Variants in SMAD9 observed in about 807,000 individuals in gnomAD.
SMAD9 encodes SMAD family member 9, also known as MAD homolog 9.
Under a neutral mutation model 46.1 loss-of-function variants are expected in SMAD9, and 36 were observed. The observed-to-expected ratio is 0.78, with a 90% CI of 0.60 to 1.03. The LOEUF is 1.03. Ranked by LOEUF, SMAD9 falls within the 50% of genes least tolerant of loss-of-function variation. The probability of loss-of-function intolerance (pLI) is 0.00; values close to 1 mark genes in which losing one functional copy is unlikely to be tolerated. For synonymous variants in SMAD9, 245 were observed against 237.1 expected, an observed-to-expected ratio of 1.03 and a Z score of -0.31; for missense variants, 572 against 599.8, an observed-to-expected ratio of 0.95 and a Z score of 0.48.
chr13:36,893,697 AT>A (rs2058507054), intron 1 of SMAD9, among the ~76,000 whole-genome samples: 1 of 151,806 alleles, frequency 6.6e-6, no homozygotes. Flanking sequence ...GTATGAAATC[AT>A]TTAGTTTAAA....
At position 36,879,770 on chromosome 13, in the gene SMAD9, G is replaced by A; in HGVS notation, c.-81C>T. 1 of 1,518,862 alleles carries A rather than the reference G, an allele frequency of 6.6e-7. No individual in the cohort carries two copies. The highest frequency in any genetic ancestry group is 1.7e-5 in the Admixed American group (1 of 59,544). The allele number at this position is 1,518,862 out of a possible 1,614,324, so 94.1% of individuals were successfully genotyped here. On this transcript the variant is annotated 5_prime_UTR_variant, in exon 2 of 7. Coordinates refer to ENST00000379826, the MANE Select transcript of SMAD9 (RefSeq NM_001127217.3). ...AGTGGGCGGCGAGTAGCTCTCCAGG[G>A]GTGGCATAGGGACCAACCCGCCCGT...
At chr13:36,902,844 G>A (rs965127317) in intron 1 of SMAD9, among the ~76,000 whole-genome samples, 2 of 152,112 alleles carry the variant, frequency 1.3e-5, no homozygotes, top group Admixed American at 1.3e-4. Context: ...CCTCAATTAG[G>A]ATATGGACGT....
intron 1 of SMAD9, among the ~76,000 whole-genome samples, chr13:36,884,367 C>T (rs141794689): frequency 6.6e-6 from 1 of 152,274 alleles, no homozygotes; most frequent in East Asian, 1.9e-4. Context: ...TTACAGCTTT[C>T]CTTCTTTGGG....
rs558837786 is a variant in SMAD9 at position 36,847,538 on chromosome 13, C to T, written c.*1138G>A. ...TGATTATGAAATTATTATCACTTTC[C>T]TTGGGAATTTATTTCCAGGTTAGAT... On this transcript the variant is annotated 3_prime_UTR_variant, in exon 7 of 7. Transcript: ENST00000379826. 6.6e-5 allele frequency: 10 copies of T among 152,254 alleles called. No homozygotes were observed. In the East Asian group the frequency reaches 1.9e-3, roughly 29 times the overall value. The allele number at this position is 152,254 out of a possible 1,614,324, so 9.4% of individuals were successfully genotyped here.
chr13:36,899,734 T>G (rs2058558538), intron 1 of SMAD9, among the ~76,000 whole-genome samples: 1 of 152,160 alleles, frequency 6.6e-6, no homozygotes, highest in Admixed American at 6.5e-5. Context: ...AATCCTAAAT[T>G]TATCAGCATA....
chr13:36,859,884 C>T (rs1046537261), intron 5 of SMAD9, among the ~76,000 whole-genome samples: 3 of 151,468 alleles, frequency 2.0e-5, no homozygotes, highest in East Asian at 1.9e-4. Context: ...CGCTTGAACC[C>T]GGGAGGCAGA....
At chr13:36,860,607 G>A (rs636514) in intron 5 of SMAD9, among the ~76,000 whole-genome samples, 60,522 of 151,364 alleles carry the variant, frequency 0.4, 15,427 homozygotes, top group African/African-American at 0.72. Context: ...CTGCCACCAC[G>A]CCCGGCTAAT....
In SMAD9 at chr13:36,845,015, T is replaced by G. The variant is rs988583017; in HGVS notation, c.*3661A>C. 2.0e-5 allele frequency: 3 copies of G among 152,160 alleles called. No individual in the cohort carries two copies. Among genetic ancestry groups the G allele is most frequent in the Non-Finnish European group, 4.4e-5 (3 of 68,030 alleles). The allele number at this position is 152,160 out of a possible 1,614,324, so 9.4% of individuals were successfully genotyped here. A position where few individuals can be genotyped will look rare whatever the true frequency, so the allele number is the denominator to read the frequency against. On this transcript the variant is annotated 3_prime_UTR_variant, in exon 7 of 7. Transcript: ENST00000379826. Reference sequence around the variant, plus strand: ...CATATGCTAGGATCACCTAAACTTGTCATACAGTTCTGCTATTAAAATCGT... The same window carrying G: ...CATATGCTAGGATCACCTAAACTTGGCATACAGTTCTGCTATTAAAATCGT...
intron 2 of SMAD9, among the ~76,000 whole-genome samples, chr13:36,876,180 C>A (rs1413701283): frequency 6.6e-6 from 1 of 151,896 alleles, no homozygotes; most frequent in Non-Finnish European, 1.5e-5. Context: ...CAGTGTCACA[C>A]GGGGGGAGAC....
chr13:36,865,756 A>G lies in SMAD9; in HGVS notation c.784T>C (p.Phe262Leu). ...HVVLSIPNGD[F>L]RPVCYEEPQH... ...GGCTCCTCGTAACAAACTGGTCGAA[A>G]GTCTGGAAGAAAACAAACCAGAGAA... The change falls in exon 5 of 7, where the codon TTT (phenylalanine) becomes CTT (leucine). Residue 262 changes from phenylalanine to leucine, a missense_variant and splice_region_variant. Transcript: ENST00000379826. 2 of 1,613,648 alleles carry G rather than the reference A, an allele frequency of 1.2e-6. No individual in the cohort carries two copies.
intron 6 of SMAD9, among the ~76,000 whole-genome samples, chr13:36,850,210 C>T (rs1339909335): frequency 6.6e-6 from 1 of 152,150 alleles, no homozygotes. Context: ...ATCACATCCT[C>T]TCATCAATGC....
rs2058357447 is a variant in SMAD9 at position 36,877,590 on chromosome 13, A to AT, written c.412+1687dup. On this transcript the variant is annotated intron_variant, in intron 2 of 6. Coordinates refer to ENST00000379826, the MANE Select transcript of SMAD9 (RefSeq NM_001127217.3). ...TTGAAACACAAAATGGAATCCAGTC[A>AT]TTTTTGTTATAAGCTTAGACATTAT... is the stretch of plus-strand genomic sequence containing the variant. 5.9e-5 allele frequency among the ~76,000 whole-genome samples: 9 copies of AT among 152,276 alleles called. No homozygotes were observed. The South Asian group carries it at 1.5e-3, about 25-fold the overall frequency.
intron 1 of SMAD9, among the ~76,000 whole-genome samples, chr13:36,905,086 A>G (rs754704548): frequency 2.6e-5 from 4 of 152,236 alleles, no homozygotes; most frequent in Admixed American, 6.5e-5. Context: ...TGCCTACAGA[A>G]ATTTTTGGTT....
intron 1 of SMAD9, among the ~76,000 whole-genome samples, chr13:36,887,545 C>A (rs570925758): frequency 6.6e-6 from 1 of 152,010 alleles, no homozygotes; most frequent in South Asian, 2.1e-4. Flanking sequence ...TTTAAGTGAT[C>A]GTCCTAGCTG....
rs767950374 is a variant in SMAD9, at chr13:36,853,464, C to T, written c.1215G>A (p.Val405=). The change falls in exon 6 of 7, where the codon GTG becomes GTA. Residue 405 remains valine, a synonymous_variant. Coordinates refer to ENST00000379826, the MANE Select transcript of SMAD9 (RefSeq NM_001127217.3). ...TAGTACACATCTTGGTCAGTTCATA[C>T]ACGACTTCAAAGCCGTGGTGAACTG... ...AQSVHHGFEV[V]YELTKMCTIR... is the part of the protein sequence containing the mutation. 1.9e-6 allele frequency: 3 copies of T among 1,614,086 alleles called. No individual in the cohort carries two copies. Among genetic ancestry groups the T allele is most frequent in the African/African-American group, 1.3e-5 (1 of 75,026 alleles).
chr13:36,890,819 A>G (rs1434806951), intron 1 of SMAD9, among the ~76,000 whole-genome samples: 1 of 146,166 alleles, frequency 6.8e-6, no homozygotes, highest in Non-Finnish European at 1.5e-5. Flanking sequence ...CCCTCTCCAC[A>G]CCCCCATGAC....
intron 5 of SMAD9, among the ~76,000 whole-genome samples, chr13:36,855,388 G>C (rs578125434): frequency 2.0e-5 from 3 of 151,630 alleles, no homozygotes; most frequent in Non-Finnish European, 4.4e-5. Flanking sequence ...AATGTATAGC[G>C]AGGGACTGAT....
intron 1 of SMAD9, among the ~76,000 whole-genome samples, chr13:36,886,191 G>A (rs527332626): frequency 6.6e-6 from 1 of 152,334 alleles, no homozygotes; most frequent in Non-Finnish European, 1.5e-5. Context: ...CACACCACTA[G>A]TAAGCCAGGA....
chr13:36,856,581 G>C (rs568317055), intron 5 of SMAD9, among the ~76,000 whole-genome samples: 3 of 152,320 alleles, frequency 2.0e-5, no homozygotes, highest in East Asian at 3.9e-4. Flanking sequence ...TCTGGCTAGA[G>C]ACACCAGCAT....
Sources: gnomAD v4.1 joint callset for allele counts (sites outside exome capture counted in the v4.1 genomes callset) on GRCh38, gnomAD v4.1.1 for gene constraint, MANE v1.5 for transcripts, NCBI Gene and HGNC (gene_info 2026-07-23, HGNC 2026-07-21) for gene names.